The following ARSB variants were observed in gnomAD, a reference collection of about 807,000 sequenced individuals.
The protein encoded by ARSB is arylsulfatase B.
ARSB carries 41 observed loss-of-function variants against 50.9 expected under a neutral mutation model. The ratio of observed to expected loss-of-function variants is 0.81; its 90% CI spans 0.63 to 1.04. The LOEUF is 1.04. ARSB is among the 50% of genes least tolerant of loss of function. The probability of loss-of-function intolerance (pLI) is 0.00; values close to 1 mark genes in which losing one functional copy is unlikely to be tolerated. For synonymous variants in ARSB, 269 were observed against 284.8 expected (o/e 0.94, Z 0.56); for missense variants, 672 against 693.3 (o/e 0.97, Z 0.35).
At chr5:78,839,330 T>C (rs779758683) in intron 6 of ARSB, 26 bp downstream of exon 6, 9 of 1,603,756 alleles carry the variant, frequency 5.6e-6, no homozygotes, top group Admixed American at 3.3e-5. Flanking sequence ...TTAGATTTAA[T>C]CTAGTAGCAA....
At chr5:78,846,418 T>C (rs1453222122) in intron 5 of ARSB, among the ~76,000 whole-genome samples, 1 of 152,118 alleles carries the variant, frequency 6.6e-6, no homozygotes, top group Non-Finnish European at 1.5e-5. Flanking sequence ...GTTGAGAATG[T>C]TATTGGTATT....
intron 5 of ARSB, among the ~76,000 whole-genome samples, chr5:78,861,042 C>CAA (rs1434262933): frequency 6.6e-6 from 1 of 152,202 alleles, no homozygotes; most frequent in Non-Finnish European, 1.5e-5. Context: ...GACACACACA[C>CAA]CCTCCCAAGA....
At chr5:78,930,105 C>A (rs1750252946) in intron 4 of ARSB, among the ~76,000 whole-genome samples, 1 of 152,076 alleles carries the variant, frequency 6.6e-6, no homozygotes, top group South Asian at 2.1e-4. Flanking sequence ...CACTACTCAG[C>A]CTGCTCTATT....
intron 6 of ARSB, among the ~76,000 whole-genome samples, chr5:78,786,084 T>C (rs1281417757): frequency 1.3e-5 from 2 of 152,234 alleles, no homozygotes; most frequent in Admixed American, 6.5e-5. Flanking sequence ...TAACCATCAC[T>C]GTAACATATT....
chr5:78,798,745 C>A (rs1743271189), intron 6 of ARSB, among the ~76,000 whole-genome samples: 1 of 152,338 alleles, frequency 6.6e-6, no homozygotes, highest in South Asian at 2.1e-4. Context: ...GGGCCTGCCC[C>A]CTCCGGGAAG....
At chr5:78,799,032 G>A (rs1276015909) in intron 6 of ARSB, among the ~76,000 whole-genome samples, 3 of 152,188 alleles carry the variant, frequency 2.0e-5, no homozygotes, top group Admixed American at 6.5e-5. Flanking sequence ...AAGTAAGGAC[G>A]TTTTATATTT....
At chr5:78,959,992 G>T (rs1184241524) in intron 3 of ARSB, among the ~76,000 whole-genome samples, 1 of 152,170 alleles carries the variant, frequency 6.6e-6, no homozygotes, top group African/African-American at 2.4e-5. Flanking sequence ...AAAGCCAGCA[G>T]CTGCCATCAC....
chr5:78,806,099 A>G (rs1378280592), intron 6 of ARSB, among the ~76,000 whole-genome samples: 2 of 152,254 alleles, frequency 1.3e-5, no homozygotes, highest in Non-Finnish European at 2.9e-5. Context: ...AATACAATAG[A>G]GAGAAAATAG....
At chr5:78,913,513 T>G (rs1192295224) in intron 4 of ARSB, among the ~76,000 whole-genome samples, 1 of 152,236 alleles carries the variant, frequency 6.6e-6, no homozygotes, top group Non-Finnish European at 1.5e-5. Context: ...TATCCTGTTG[T>G]GTGATGGAAC....
In ARSB at chr5:78,964,444, G is replaced by T. The variant is rs2112513690; in HGVS notation, c.662C>A (p.Ala221Asp). 6.2e-7 allele frequency: 1 copy of T among 1,613,974 alleles called. No individual in the cohort carries two copies. Among genetic ancestry groups the T allele is most frequent in the East Asian group, 2.2e-5 (1 of 44,868 alleles). The change falls in exon 3 of 8, where the codon GCC (alanine) becomes GAC (aspartate). Residue 221 changes from alanine to aspartate, a missense_variant. Transcript: ENST00000264914. ...CTCTGGTGGATGGTTAGTTATGAGG[G>T]CTATAGCCCTTTTGGTGAATATGTT... Reference protein sequence around the residue: ...STNIFTKRAIALITNHPPEKP... With the variant: ...STNIFTKRAIDLITNHPPEKP...
At chr5:78,985,478 G>A (rs1020101246), upstream of ARSB, 3 of 305,050 alleles carry the variant, frequency 9.8e-6, no homozygotes, top group Non-Finnish European at 1.8e-5. Flanking sequence ...CCGCTGCCCG[G>A]CTTCTTGGAA....
chr5:78,927,853 C>T (rs1024846063), intron 4 of ARSB, among the ~76,000 whole-genome samples: 6 of 152,036 alleles, frequency 3.9e-5, no homozygotes, highest in African/African-American at 1.4e-4. Context: ...CAGCAGGGGG[C>T]CAGAAAAAGC....
At chr5:78,843,253 C>T (rs1745306084) in intron 5 of ARSB, among the ~76,000 whole-genome samples, 1 of 152,210 alleles carries the variant, frequency 6.6e-6, no homozygotes, top group Admixed American at 6.5e-5. Flanking sequence ...GCATTTCTAA[C>T]AGTTTCCCAG....
intron 4 of ARSB, among the ~76,000 whole-genome samples, chr5:78,914,727 C>T (rs544343487): frequency 1.3e-5 from 2 of 152,270 alleles, no homozygotes; most frequent in Admixed American, 6.5e-5. Context: ...CTCAGGCTGG[C>T]GTGCATGATC....
chr5:78,956,643 T>G (rs979052464), intron 3 of ARSB, among the ~76,000 whole-genome samples: 1 of 152,202 alleles, frequency 6.6e-6, no homozygotes, highest in African/African-American at 2.4e-5. Flanking sequence ...ATATCAGTAA[T>G]GGCAACCACA....
At chr5:78,886,022 T>C (rs1204519227) in intron 4 of ARSB, among the ~76,000 whole-genome samples, 195 bp from the exon 5 acceptor site, 1 of 152,212 alleles carries the variant, frequency 6.6e-6, no homozygotes. Context: ...TAAGGCCCAG[T>C]GTGATACATA....
chr5:78,911,478 G>T (rs1455869342), intron 4 of ARSB, among the ~76,000 whole-genome samples: 1 of 149,514 alleles, frequency 6.7e-6, no homozygotes, highest in Non-Finnish European at 1.5e-5. Flanking sequence ...GGAGGCTGAG[G>T]CACTAGAATC....
chr5:78,942,457 T>C (rs1204836127), intron 4 of ARSB, among the ~76,000 whole-genome samples: 1 of 152,236 alleles, frequency 6.6e-6, no homozygotes, highest in Admixed American at 6.5e-5. Context: ...GCTTTGAATG[T>C]GTCCCAGAGA....
chr5:78,891,627 G>A (rs1456641995), intron 4 of ARSB, among the ~76,000 whole-genome samples: 1 of 152,144 alleles, frequency 6.6e-6, no homozygotes, highest in Non-Finnish European at 1.5e-5. Flanking sequence ...TGGAGGAGCT[G>A]AAACCATAAG....
Sources: allele counts gnomAD v4.1 joint callset (sites outside exome capture counted in the v4.1 genomes callset), GRCh38; gene constraint gnomAD v4.1.1; transcripts MANE v1.5; gene names NCBI Gene and HGNC (gene_info 2026-07-23, HGNC 2026-07-21).